Variants in CSMD1 observed in about 807,000 individuals in gnomAD.
CSMD1 encodes the protein CUB and Sushi multiple domains 1.
CSMD1 carries 213 observed loss-of-function variants against 417.5 expected under a neutral mutation model. The observed-to-expected ratio is 0.51, with a 90% CI of 0.46 to 0.57. The LOEUF (loss-of-function observed/expected upper bound fraction) is 0.57, where lower values mean the gene tolerates loss of function less well. Ranked by LOEUF, CSMD1 falls within the 20% of genes least tolerant of loss-of-function variation. The pLI is 0.00. For synonymous variants in CSMD1, 2,862 were observed against 1,736.8 expected (o/e 1.65, Z -16.11); for missense variants, 6,923 against 4,529.7 (o/e 1.53, Z -15.17).
Position 4,673,533 on chromosome 8 carries a change from CAGTT to C in CSMD1, c.86-35979_86-35976del, listed in dbSNP as rs774680401. 2.0e-5 allele frequency among the ~76,000 whole-genome samples: 3 copies of C among 152,136 alleles called. No homozygotes were observed. In the South Asian group the frequency reaches 6.2e-4, roughly 31 times the overall value. ...GAAGAGTTTCCTACAAAACAGCTCTCAGTTAGTTCCCCTTTAATATCTAGCACCT... is the reference window on the plus strand; with the variant it reads ...GAAGAGTTTCCTACAAAACAGCTCTCAGTTCCCCTTTAATATCTAGCACCT... On this transcript the variant is annotated intron_variant, in intron 1 of 69. Transcript: ENST00000635120.
At chr8:3,163,953 C>A (rs529568886) in intron 37 of CSMD1, among the ~76,000 whole-genome samples, 1 of 152,146 alleles carries the variant, frequency 6.6e-6, no homozygotes. Context: ...ATCTCTCATG[C>A]GTGTTGAGCT....
At chr8:3,965,652 C>A (rs1227702955) in intron 5 of CSMD1, among the ~76,000 whole-genome samples, 1 of 152,076 alleles carries the variant, frequency 6.6e-6, no homozygotes, top group Non-Finnish European at 1.5e-5. Context: ...GAGTCTCACC[C>A]TGTCGCCCAG....
intron 1 of CSMD1, among the ~76,000 whole-genome samples, chr8:4,714,532 C>T (rs1467659493): frequency 6.6e-6 from 1 of 152,106 alleles, no homozygotes. Context: ...TTGAACATAA[C>T]AGATAGAGAA....
intron 3 of CSMD1, among the ~76,000 whole-genome samples, chr8:4,387,158 T>C (rs1040958633): frequency 6.6e-6 from 1 of 152,172 alleles, no homozygotes; most frequent in African/African-American, 2.4e-5. Flanking sequence ...ATTTGGAAAA[T>C]GAGTTAACAC....
At chr8:3,112,172 C>G (rs1241188082) in intron 42 of CSMD1, among the ~76,000 whole-genome samples, 1 of 151,954 alleles carries the variant, frequency 6.6e-6, no homozygotes, top group Non-Finnish European at 1.5e-5. Context: ...CTGTCTAGCT[C>G]AGGTCATGAT....
intron 1 of CSMD1, among the ~76,000 whole-genome samples, chr8:4,812,843 A>G (rs73181519): frequency 0.051 from 7,840 of 152,272 alleles, 230 homozygotes; most frequent in African/African-American, 0.069. Context: ...TAGGGAATCT[A>G]TTGTTATTGA....
At chr8:3,660,129 AC>A (rs1310725904) in intron 7 of CSMD1, among the ~76,000 whole-genome samples, 2 of 152,200 alleles carry the variant, frequency 1.3e-5, no homozygotes, top group Admixed American at 6.5e-5. Flanking sequence ...TTTGCAAAAT[AC>A]TTTCAACTAC....
At chr8:3,901,435 GTCTTAC>G (rs1254447529) in intron 5 of CSMD1, among the ~76,000 whole-genome samples, 2 of 152,002 alleles carry the variant, frequency 1.3e-5, no homozygotes, top group Non-Finnish European at 2.9e-5. Context: ...GCATTTTTTG[GTCTTAC>G]TCTAATGACT....
intron 29 of CSMD1, among the ~76,000 whole-genome samples, chr8:3,216,379 G>C (rs994142472): frequency 1.1e-4 from 17 of 152,038 alleles, no homozygotes; most frequent in Non-Finnish European, 2.2e-4. Context: ...TAGAAGCATG[G>C]ACTTGTTCAC....
intron 1 of CSMD1, among the ~76,000 whole-genome samples, chr8:4,961,628 G>T (rs1809491705): frequency 2.0e-5 from 3 of 151,972 alleles, no homozygotes; most frequent in Admixed American, 1.3e-4. Flanking sequence ...TCAAACTTTT[G>T]TATGAGCTCT....
chr8:3,772,332 T>C (rs1302198109), intron 5 of CSMD1, among the ~76,000 whole-genome samples: 1 of 35,454 alleles, frequency 2.8e-5, no homozygotes. Flanking sequence ...TACATATATT[T>C]AGACATACAT....
At chr8:4,119,627 T>A (rs1427510883) in intron 3 of CSMD1, among the ~76,000 whole-genome samples, 1 of 152,096 alleles carries the variant, frequency 6.6e-6, no homozygotes, top group Admixed American at 6.5e-5. Flanking sequence ...GCTCTGTCTG[T>A]GCTCTGTGAG....
chr8:4,260,289 T>G (rs1401480), intron 3 of CSMD1, among the ~76,000 whole-genome samples: 1 of 152,200 alleles, frequency 6.6e-6, no homozygotes, highest in Non-Finnish European at 1.5e-5. Context: ...TATTTGTTCA[T>G]TGAACATCAA....
chr8:3,002,415 G>A (rs183022477), intron 52 of CSMD1, among the ~76,000 whole-genome samples: 45 of 152,294 alleles, frequency 3.0e-4, no homozygotes, highest in African/African-American at 9.6e-4. Context: ...CCCAGCACAA[G>A]AGATCCCAGC....
In CSMD1 at chr8:3,718,804, C is replaced by A. The variant is rs146489293; in HGVS notation, c.932-10313G>T. ...GGACCCCATTTAAATCACGTATTTC[C>A]CTGTGATTTAAGTTTTCAGACATAA... On this transcript the variant is annotated intron_variant, in intron 6 of 69. Coordinates refer to ENST00000635120, the MANE Select transcript of CSMD1 (RefSeq NM_033225.6). Among the ~76,000 whole-genome samples, 65 of 152,164 alleles carry A rather than the reference C, an allele frequency of 4.3e-4. No individual in the cohort carries two copies. The East Asian group carries it at 9.5e-3, about 22-fold the overall frequency.
intron 3 of CSMD1, among the ~76,000 whole-genome samples, chr8:4,358,581 A>C (rs1333895099): frequency 1.3e-5 from 2 of 152,190 alleles, no homozygotes; most frequent in Non-Finnish European, 2.9e-5. Flanking sequence ...TGGCCATTTA[A>C]AGAAAAAGTG....
chr8:4,586,658 T>G (rs1435652261), intron 2 of CSMD1, among the ~76,000 whole-genome samples: 1 of 152,134 alleles, frequency 6.6e-6, no homozygotes, highest in Non-Finnish European at 1.5e-5. Flanking sequence ...AGCACTAAAA[T>G]CCCTTTTTGT....
intron 18 of CSMD1, among the ~76,000 whole-genome samples, chr8:3,383,902 A>C (rs1032325251): frequency 8.5e-5 from 13 of 152,220 alleles, no homozygotes; most frequent in African/African-American, 3.1e-4. Context: ...AGAAGCAGCG[A>C]AACACAGCTA....
At chr8:4,710,103 G>T (rs987155018) in intron 1 of CSMD1, among the ~76,000 whole-genome samples, 1 of 152,074 alleles carries the variant, frequency 6.6e-6, no homozygotes, top group African/African-American at 2.4e-5. Context: ...CCAAGGAAAA[G>T]CAAGTTCTGA....
Sources: allele counts gnomAD v4.1 joint callset (sites outside exome capture counted in the v4.1 genomes callset), GRCh38; gene constraint gnomAD v4.1.1; transcripts MANE v1.5; gene names NCBI Gene and HGNC (gene_info 2026-07-23, HGNC 2026-07-21).